The following RIPOR2 variants were observed in gnomAD, a reference collection of about 807,000 sequenced individuals.
RIPOR2 encodes the protein rho family-interacting cell polarization regulator 2.
Under a neutral mutation model 114.5 loss-of-function variants are expected in RIPOR2, and 39 were observed. The observed-to-expected ratio is 0.34, with a 90% CI of 0.26 to 0.44. RIPOR2 has a LOEUF of 0.44. Among genes scored for constraint, RIPOR2 ranks in the 20% least tolerant of loss-of-function variants. RIPOR2 has a pLI of 1.00. For synonymous variants in RIPOR2, 445 were observed against 484.4 expected, an observed-to-expected ratio of 0.92 and a Z score of 1.07; for missense variants, 1,007 against 1,255.1, an observed-to-expected ratio of 0.80 and a Z score of 2.99.
intron 1 of RIPOR2, among the ~76,000 whole-genome samples, chr6:25,022,047 C>A (rs887195497): frequency 1.5e-4 from 23 of 152,074 alleles, no homozygotes; most frequent in African/African-American, 5.6e-4. Flanking sequence ...AGAAATGAAC[C>A]CATCACTTTG....
chr6:24,891,098 A>G (rs965699324), intron 1 of RIPOR2, among the ~76,000 whole-genome samples: 1 of 152,232 alleles, frequency 6.6e-6, no homozygotes, highest in African/African-American at 2.4e-5. Flanking sequence ...AGAACAACCC[A>G]GTGTCAAAGA....
intron 19 of RIPOR2, among the ~76,000 whole-genome samples, chr6:24,824,571 T>G (rs543460653): frequency 2.0e-5 from 3 of 152,344 alleles, no homozygotes; most frequent in Admixed American, 2.0e-4. Flanking sequence ...GTACTTAAAC[T>G]ACAGATTCCT....
At chr6:25,024,191 G>T in intron 1 of RIPOR2, 1 of 1,409,660 alleles carries the variant, frequency 7.1e-7, no homozygotes, top group Non-Finnish European at 1.0e-6. Context: ...TGCTGGCAAT[G>T]CAGGGCCTGG....
chr6:24,953,140 C>T (rs1772857367), intron 1 of RIPOR2, among the ~76,000 whole-genome samples: 1 of 152,064 alleles, frequency 6.6e-6, no homozygotes, highest in Admixed American at 6.5e-5. Flanking sequence ...TCAAGACCAG[C>T]CTGACCAACA....
intron 1 of RIPOR2, among the ~76,000 whole-genome samples, chr6:25,038,386 A>T (rs1489272168): frequency 6.6e-6 from 1 of 152,244 alleles, no homozygotes; most frequent in African/African-American, 2.4e-5. Context: ...GGCAAAAATG[A>T]GGGATTTTTC....
At chr6:24,850,074 A>G in intron 10 of RIPOR2, 124 bp from the exon 11 acceptor site, 1 of 741,364 alleles carries the variant, frequency 1.3e-6, no homozygotes. Context: ...TGAAATCAGA[A>G]GCGGATTTTC....
chr6:24,880,026 T>C (rs936907516), intron 1 of RIPOR2, among the ~76,000 whole-genome samples: 4 of 152,232 alleles, frequency 2.6e-5, no homozygotes, highest in Admixed American at 6.5e-5. Context: ...AATTGCAGTA[T>C]TACTGCTGGT....
chr6:24,930,368 C>T (rs1771287503), intron 1 of RIPOR2, among the ~76,000 whole-genome samples: 1 of 152,176 alleles, frequency 6.6e-6, no homozygotes, highest in Non-Finnish European at 1.5e-5. Flanking sequence ...GCTTGCTGCT[C>T]ATAGAGATAT....
rs1261160624 is a variant in RIPOR2, at chr6:24,832,259, C to T, written c.2341G>A (p.Glu781Lys). Residue 781 changes from glutamate (E) to lysine (K), a missense_variant, in exon 16 of 22, where the codon GAA becomes AAA. By Grantham distance (56) the Glu-to-Lys change is moderately conservative. Transcript: ENST00000643898. ...GGTGTAACTGGCAGATACTTACCTT[C>T]CACAACAGAACTGATATTTCCTATG... ...ENIGNISSVV[E>K]AIPEFHKKLS... 1.3e-6 allele frequency: 2 copies of T among 1,551,528 alleles called. No homozygotes were observed. The highest frequency in any genetic ancestry group is 2.7e-5 in the African/African-American group (2 of 73,038).
At chr6:25,003,504 G>C (rs1466357046) in intron 1 of RIPOR2, among the ~76,000 whole-genome samples, 1 of 151,566 alleles carries the variant, frequency 6.6e-6, no homozygotes, top group Non-Finnish European at 1.5e-5. Flanking sequence ...TCATGGCTCA[G>C]TGTAGCCTCA....
chr6:24,876,929 C>T, intron 1 of RIPOR2: 1 of 975,292 alleles, frequency 1.0e-6, no homozygotes, highest in South Asian at 4.8e-5. Context: ...CCTTTTAGAT[C>T]AGGAGGAGTC....
chr6:24,834,920 G>A (rs1760995732), intron 15 of RIPOR2, among the ~76,000 whole-genome samples: 1 of 152,102 alleles, frequency 6.6e-6, no homozygotes, highest in African/African-American at 2.4e-5. Flanking sequence ...CACTGCGCCT[G>A]GTCTGGAACC....
chr6:24,972,909 G>T (rs1773850923), intron 1 of RIPOR2, among the ~76,000 whole-genome samples: 1 of 152,214 alleles, frequency 6.6e-6, no homozygotes, highest in African/African-American at 2.4e-5. Flanking sequence ...GACAGGGATA[G>T]AATTTCTTTA....
intron 1 of RIPOR2, among the ~76,000 whole-genome samples, chr6:24,905,170 G>C (rs975784547): frequency 3.3e-5 from 5 of 152,164 alleles, no homozygotes; most frequent in Non-Finnish European, 7.3e-5. Context: ...TCAACCTAGA[G>C]TGTGTTTCCT....
At chr6:24,895,343 C>T (rs962731483) in intron 1 of RIPOR2, among the ~76,000 whole-genome samples, 1 of 152,090 alleles carries the variant, frequency 6.6e-6, no homozygotes, top group Non-Finnish European at 1.5e-5. Context: ...GCCACCGCAC[C>T]CGGCACCTGG....
chr6:24,993,686 T>TG (rs879573344), intron 1 of RIPOR2, among the ~76,000 whole-genome samples: 5 of 152,382 alleles, frequency 3.3e-5, no homozygotes, highest in African/African-American at 9.6e-5. Flanking sequence ...TCAGAGGTCT[T>TG]CAAACTGTGA....
intron 1 of RIPOR2, among the ~76,000 whole-genome samples, chr6:25,031,553 AC>A (rs1776932612): frequency 1.4e-5 from 2 of 146,636 alleles, no homozygotes. Flanking sequence ...ACAAAGATTG[AC>A]TGATATATAT....
chr6:24,848,830 A>C (rs796826562), intron 11 of RIPOR2, among the ~76,000 whole-genome samples: 30 of 152,346 alleles, frequency 2.0e-4, no homozygotes, highest in African/African-American at 7.2e-4. Flanking sequence ...TGAGACCCTG[A>C]GCATGAATAC....
intron 1 of RIPOR2, among the ~76,000 whole-genome samples, chr6:24,999,179 C>T (rs184287926): frequency 6.6e-6 from 1 of 152,166 alleles, no homozygotes; most frequent in African/African-American, 2.4e-5. Context: ...CTGATAAGAC[C>T]CTGAAAAACC....
Sources: gnomAD v4.1 joint callset for allele counts (sites outside exome capture counted in the v4.1 genomes callset) on GRCh38, gnomAD v4.1.1 for gene constraint, MANE v1.5 for transcripts, NCBI Gene and HGNC (gene_info 2026-07-23, HGNC 2026-07-21) for gene names.